The following SUGCT variants were observed in gnomAD, a reference collection of about 807,000 sequenced individuals.
SUGCT encodes the protein succinyl-CoA:glutarate-CoA transferase, also known as succinyl-CoA:glutarate CoA-transferase.
SUGCT carries 41 observed loss-of-function variants against 55.0 expected under a neutral mutation model. The observed-to-expected ratio is 0.74, with a 90% CI of 0.58 to 0.97. The LOEUF is 0.97. Among genes scored for constraint, SUGCT ranks in the 50% least tolerant of loss-of-function variants. SUGCT has a pLI of 0.00. For missense variants in SUGCT, 568 were observed against 547.8 expected, an observed-to-expected ratio of 1.04 and a Z score of -0.37; for synonymous variants, 187 against 200.4, an observed-to-expected ratio of 0.93 and a Z score of 0.56.
chr7:40,695,577 G>A (rs1784890867), intron 12 of SUGCT, among the ~76,000 whole-genome samples: 1 of 152,110 alleles, frequency 6.6e-6, no homozygotes, highest in South Asian at 2.1e-4. Flanking sequence ...TTTAATGTGA[G>A]TTCTTTTTCA....
At chr7:40,604,281 C>G (rs1219011533) in intron 12 of SUGCT, among the ~76,000 whole-genome samples, 2 of 152,168 alleles carry the variant, frequency 1.3e-5, no homozygotes, top group Non-Finnish European at 2.9e-5. Context: ...CTATGATGGT[C>G]CCTTGCTTTT....
chr7:40,547,254 G>A (rs1005112454), intron 12 of SUGCT, among the ~76,000 whole-genome samples: 2 of 152,116 alleles, frequency 1.3e-5, no homozygotes, highest in South Asian at 4.2e-4. Context: ...TCATGTCTTC[G>A]GTTGATTGGT....
At chr7:40,143,622 C>T (rs1346668955) in intron 1 of SUGCT, among the ~76,000 whole-genome samples, 2 of 152,230 alleles carry the variant, frequency 1.3e-5, no homozygotes, top group African/African-American at 2.4e-5. Flanking sequence ...TCCAACCAGG[C>T]ATTTGCATCT....
At chr7:40,563,445 C>T (rs1795952543) in intron 12 of SUGCT, among the ~76,000 whole-genome samples, 1 of 151,974 alleles carries the variant, frequency 6.6e-6, no homozygotes, top group African/African-American at 2.4e-5. Context: ...GTGGTTTATG[C>T]CTGTAATCCC....
chr7:40,233,779 G>C (rs1434976949), intron 6 of SUGCT, among the ~76,000 whole-genome samples: 1 of 152,048 alleles, frequency 6.6e-6, no homozygotes, highest in Admixed American at 6.6e-5. Context: ...TTTTGCTTGT[G>C]TTATCTAATC....
At chr7:40,801,257 C>A (rs2128750858) in intron 13 of SUGCT, among the ~76,000 whole-genome samples, 1 of 152,298 alleles carries the variant, frequency 6.6e-6, no homozygotes. Context: ...TAACTTTTCC[C>A]CCACCTGCAG....
chr7:40,624,085 C>G (rs946101635), intron 12 of SUGCT, among the ~76,000 whole-genome samples: 5 of 152,180 alleles, frequency 3.3e-5, no homozygotes, highest in African/African-American at 4.8e-5. Context: ...ATATGTCAGA[C>G]AGTCTCTGGC....
At chr7:40,644,555 A>C (rs1397766292) in intron 12 of SUGCT, among the ~76,000 whole-genome samples, 2 of 152,220 alleles carry the variant, frequency 1.3e-5, no homozygotes, top group Non-Finnish European at 2.9e-5. Flanking sequence ...TGATCCCAAG[A>C]AACCATGCAG....
At chr7:40,389,552 C>T (rs191325986) in intron 9 of SUGCT, among the ~76,000 whole-genome samples, 78 of 152,320 alleles carry the variant, frequency 5.1e-4, no homozygotes, top group Admixed American at 1.4e-3. Context: ...ATAATAACTA[C>T]AATTCTAACT....
chr7:40,700,434 G>A (rs763806664), intron 12 of SUGCT, among the ~76,000 whole-genome samples: 2 of 152,186 alleles, frequency 1.3e-5, no homozygotes, highest in Non-Finnish European at 2.9e-5. Context: ...GGACTCTGTA[G>A]TGGGAAACCT....
At chr7:40,450,406 T>C (rs1789122969) in intron 10 of SUGCT, among the ~76,000 whole-genome samples, 1 of 151,756 alleles carries the variant, frequency 6.6e-6, no homozygotes, top group African/African-American at 2.4e-5. Flanking sequence ...TGTTAAGGAT[T>C]TTTTTCTTTT....
intron 9 of SUGCT, among the ~76,000 whole-genome samples, chr7:40,343,147 C>A (rs1797141724): frequency 6.6e-6 from 1 of 152,208 alleles, no homozygotes; most frequent in Non-Finnish European, 1.5e-5. Flanking sequence ...ACACACCTCT[C>A]TATCAGCCTT....
chr7:40,919,435 A>AT, the SUGCT span, among the ~76,000 whole-genome samples: 1 of 152,178 alleles, frequency 6.6e-6, no homozygotes, highest in African/African-American at 2.4e-5. Context: ...AGAAAGTCCT[A>AT]TTCATTTTAC....
At chr7:40,500,791 A>G (rs889026210) in intron 12 of SUGCT, among the ~76,000 whole-genome samples, 5 of 152,078 alleles carry the variant, frequency 3.3e-5, no homozygotes, top group African/African-American at 1.2e-4. Flanking sequence ...AAAAAGGCCA[A>G]TGTTCATATA....
At chr7:40,643,546 T>C (rs572249655) in intron 12 of SUGCT, among the ~76,000 whole-genome samples, 1 of 152,162 alleles carries the variant, frequency 6.6e-6, no homozygotes, top group Admixed American at 6.5e-5. Context: ...AACACCTCTG[T>C]CTTTTGTTTT....
chr7:40,393,391 G>A (rs1472837299), intron 9 of SUGCT, among the ~76,000 whole-genome samples: 1 of 152,154 alleles, frequency 6.6e-6, no homozygotes, highest in Non-Finnish European at 1.5e-5. Context: ...GAGACAACTG[G>A]TGACTTTTGC....
chr7:40,761,039 A>G lies in SUGCT; in HGVS notation c.1153+11542A>G, dbSNP rs1026262037. Among the ~76,000 whole-genome samples the G allele has an allele frequency of 2.7e-4, 41 of 152,252 alleles. 1 individual carries two copies. The highest frequency in any genetic ancestry group is 9.6e-4 in the African/African-American group (40 of 41,468). ...TCAACCATTAAACCTTGAAACAATC[A>G]CGCATGTTTCTCTAAGAAATAACAT... is the stretch of plus-strand genomic sequence containing the variant. On this transcript the variant is annotated intron_variant, in intron 13 of 13. Transcript: ENST00000335693.
the SUGCT span, among the ~76,000 whole-genome samples, chr7:40,898,637 T>G: frequency 1.3e-5 from 2 of 151,578 alleles, no homozygotes; most frequent in African/African-American, 2.4e-5. Flanking sequence ...GGTAGGAGAA[T>G]GGCGTGAACC....
At chr7:40,337,933 G>A (rs1230511570) in intron 9 of SUGCT, among the ~76,000 whole-genome samples, 1 of 151,996 alleles carries the variant, frequency 6.6e-6, no homozygotes, top group Non-Finnish European at 1.5e-5. Context: ...AGCTCTTGTA[G>A]GACAGGCCTG....
Sources: gnomAD v4.1 joint callset for allele counts (sites outside exome capture counted in the v4.1 genomes callset) on GRCh38, gnomAD v4.1.1 for gene constraint, MANE v1.5 for transcripts, NCBI Gene and HGNC (gene_info 2026-07-23, HGNC 2026-07-21) for gene names.